The following MYO1E variants were observed in gnomAD, a reference collection of about 807,000 sequenced individuals.
MYO1E encodes myosin IE.
Under a neutral mutation model 151.1 loss-of-function variants are expected in MYO1E, and 68 were observed. That is an observed-to-expected ratio of 0.45 (90% CI 0.37 to 0.55). The LOEUF is 0.55. Ranked by LOEUF, MYO1E falls within the 20% of genes least tolerant of loss-of-function variation. The probability of loss-of-function intolerance (pLI) is 0.00; values close to 1 mark genes in which losing one functional copy is unlikely to be tolerated. For missense variants in MYO1E, 1,363 were observed against 1,389.3 expected, an observed-to-expected ratio of 0.98 and a Z score of 0.30; for synonymous variants, 601 against 501.7, an observed-to-expected ratio of 1.20 and a Z score of -2.64.
At chr15:59,224,947 C>A in intron 7 of MYO1E, 124 bp from the exon 8 acceptor site, 1 of 1,317,344 alleles carries the variant, frequency 7.6e-7, no homozygotes, top group Non-Finnish European at 1.1e-6. Flanking sequence ...TACAGGCAGT[C>A]CTGGCCCCCA....
intron 26 of MYO1E, among the ~76,000 whole-genome samples, chr15:59,139,081 A>G (rs1381599361): frequency 2.0e-5 from 3 of 152,034 alleles, no homozygotes; most frequent in African/African-American, 7.3e-5. Context: ...ACTATTATAA[A>G]AAATGCTGCC....
intron 1 of MYO1E, among the ~76,000 whole-genome samples, chr15:59,354,780 C>T (rs1339333219): frequency 1.3e-5 from 2 of 152,020 alleles, no homozygotes; most frequent in African/African-American, 4.8e-5. Context: ...TTATAATTAC[C>T]TAGCCTCTCA....
In MYO1E at chr15:59,200,169, G is replaced by A. The variant is rs549950871; in HGVS notation, c.1698+2157C>T. Among the ~76,000 whole-genome samples, 29 of 152,222 alleles carry A rather than the reference G, an allele frequency of 1.9e-4. No homozygotes were observed. In the South Asian group the frequency reaches 3.9e-3, roughly 21 times the overall value. On this transcript the variant is annotated intron_variant, in intron 16 of 27. Transcript: ENST00000288235. ...AGGAGGAAAAAGTGTCCCTACCCTTGCTCTCCTTTTTATAGACAATAATCC... is the reference window on the plus strand; with the variant it reads ...AGGAGGAAAAAGTGTCCCTACCCTTACTCTCCTTTTTATAGACAATAATCC...
Position 59,158,362 on chromosome 15 carries a change from T to C in MYO1E, c.2803A>G (p.Thr935Ala). 1 of 1,565,772 alleles carries C rather than the reference T, an allele frequency of 6.4e-7. No individual in the cohort carries two copies. The highest frequency in any genetic ancestry group is 2.3e-5 in the East Asian group (1 of 42,916). ...PKNSRPTRRN[T>A]TQNTGYSSGT... ...CTGGAATAACCTGTATTTTGGGTAG[T>C]GTTCCTTCTGGTAGGACCTGAAATA... The change falls in exon 25 of 28, where the codon ACT becomes GCT. Residue 935 changes from threonine to alanine, a missense_variant. Thr to Ala is a moderately conservative substitution (Grantham distance 58, BLOSUM62 0). Transcript: ENST00000288235.
At chr15:59,309,960 G>C (rs941706510) in intron 1 of MYO1E, among the ~76,000 whole-genome samples, 11 of 152,062 alleles carry the variant, frequency 7.2e-5, no homozygotes, top group Non-Finnish European at 1.3e-4. Context: ...TTCTCCTTCA[G>C]ACCCACCCCT....
At chr15:59,319,848 G>T (rs893989781) in intron 1 of MYO1E, among the ~76,000 whole-genome samples, 3 of 152,092 alleles carry the variant, frequency 2.0e-5, no homozygotes, top group African/African-American at 4.8e-5. Context: ...GTTGCAGTGA[G>T]CCGAGACCAT....
At chr15:59,369,926 T>C (rs1163175013) in intron 1 of MYO1E, among the ~76,000 whole-genome samples, 1 of 152,128 alleles carries the variant, frequency 6.6e-6, no homozygotes, top group African/African-American at 2.4e-5. Flanking sequence ...GTCCACGGTA[T>C]AGGTGTTCTC....
intron 10 of MYO1E, among the ~76,000 whole-genome samples, chr15:59,216,292 G>A (rs11636141): frequency 0.66 from 99,285 of 151,354 alleles, 34,172 homozygotes; most frequent in Middle Eastern, 0.81. Context: ...TTCCTTAATC[G>A]ATCTATGCCT....
chr15:59,244,654 G>A (rs943551423), intron 4 of MYO1E, among the ~76,000 whole-genome samples: 16 of 152,240 alleles, frequency 1.1e-4, no homozygotes, highest in Middle Eastern at 3.4e-3. Context: ...CTGCTGTATC[G>A]GAGGCGGGCA....
rs56333250 is a variant in MYO1E, at chr15:59,306,599, G to A, written c.4-34150C>T. ...TCCACAGGTTGGCAAAACCTCAAAT[G>A]CTAAATTTGTGAGTGCCAAGGATTT... On this transcript the variant is annotated intron_variant, in intron 1 of 27. Coordinates refer to ENST00000288235, the MANE Select transcript of MYO1E (RefSeq NM_004998.4). Among the ~76,000 whole-genome samples, 387 of 152,330 alleles carry A rather than the reference G, an allele frequency of 2.5e-3. 3 individuals carry two copies. Among genetic ancestry groups the A allele is most frequent in the African/African-American group, 8.8e-3 (366 of 41,572 alleles).
chr15:59,165,100 G>A (rs2079556632), intron 22 of MYO1E, among the ~76,000 whole-genome samples: 1 of 152,174 alleles, frequency 6.6e-6, no homozygotes, highest in Non-Finnish European at 1.5e-5. Flanking sequence ...CCGGTCTCTA[G>A]AACTGTAAAA....
intron 1 of MYO1E, among the ~76,000 whole-genome samples, chr15:59,325,327 G>A (rs1243522549): frequency 6.6e-6 from 1 of 152,168 alleles, no homozygotes; most frequent in Admixed American, 6.5e-5. Context: ...GAGCCACAGT[G>A]CCCGGCCAAT....
rs2079760883 is a variant in MYO1E at position 59,195,481 on chromosome 15, G to A, written c.1785C>T (p.Pro595=). ...RCIKPNETKK[P]RDWEESRVKH... ...GATACCTGCTTTCCTCCCAGTCTCT[G>A]GGCTTCTTGGTTTCGTTTGGCTTGA... The change falls in exon 17 of 28, where the codon CCC becomes CCT. Residue 595 remains proline, a synonymous_variant. Transcript: ENST00000288235. 6.2e-7 allele frequency: 1 copy of A among 1,613,852 alleles called. No individual in the cohort carries two copies. The highest frequency in any genetic ancestry group is 1.6e-4 in the Middle Eastern group (1 of 6,062).
At chr15:59,220,055 AC>A (rs2079944501) in intron 9 of MYO1E, among the ~76,000 whole-genome samples, 1 of 152,230 alleles carries the variant, frequency 6.6e-6, no homozygotes, top group Non-Finnish European at 1.5e-5. Context: ...AACATATCCA[AC>A]TAAGAAGGGA....
At chr15:59,184,580 C>T (rs557756542) in intron 18 of MYO1E, among the ~76,000 whole-genome samples, 79 of 152,174 alleles carry the variant, frequency 5.2e-4, no homozygotes, top group African/African-American at 1.7e-3. Context: ...AGGCTGATCT[C>T]GAACTTGTGA....
chr15:59,337,060 T>C (rs2080733439), intron 1 of MYO1E, among the ~76,000 whole-genome samples: 1 of 152,216 alleles, frequency 6.6e-6, no homozygotes, highest in Non-Finnish European at 1.5e-5. Context: ...TAATACCTCC[T>C]TGCAGTTACT....
chr15:59,286,739 G>A (rs1020608555), intron 1 of MYO1E, among the ~76,000 whole-genome samples: 2 of 152,190 alleles, frequency 1.3e-5, no homozygotes, highest in Non-Finnish European at 1.5e-5. Flanking sequence ...CCTGTTTCTG[G>A]CATGGTTACT....
At chr15:59,231,591 C>T (rs1419770322) in intron 6 of MYO1E, 111 bp downstream of exon 6, 3 of 1,135,716 alleles carry the variant, frequency 2.6e-6, no homozygotes, top group Non-Finnish European at 4.0e-6. Flanking sequence ...GAAGAGGTGG[C>T]CTCCTGATGA....
chr15:59,252,531 A>G (rs2080170985), intron 4 of MYO1E, among the ~76,000 whole-genome samples: 1 of 152,180 alleles, frequency 6.6e-6, no homozygotes, highest in Non-Finnish European at 1.5e-5. Flanking sequence ...CCTGGCCAAC[A>G]TGGGGAAACC....
Sources: gnomAD v4.1 joint callset for allele counts (sites outside exome capture counted in the v4.1 genomes callset) on GRCh38, gnomAD v4.1.1 for gene constraint, MANE v1.5 for transcripts, NCBI Gene and HGNC (gene_info 2026-07-23, HGNC 2026-07-21) for gene names.